The following LMX1A variants were observed in gnomAD, a reference collection of about 807,000 sequenced individuals.
The protein encoded by LMX1A is LIM homeobox transcription factor 1-alpha.
Under a neutral mutation model 49.1 loss-of-function variants are expected in LMX1A, and 15 were observed. That is an observed-to-expected ratio of 0.31 (90% CI 0.20 to 0.47). The LOEUF (loss-of-function observed/expected upper bound fraction) is 0.47. Ranked by LOEUF, LMX1A falls within the 20% of genes least tolerant of loss-of-function variation. LMX1A has a pLI of 1.00. For missense variants in LMX1A, 372 were observed against 475.8 expected (o/e 0.78, Z 2.03); for synonymous variants, 167 against 185.7 (o/e 0.90, Z 0.82).
intron 7 of LMX1A, 111 bp from the exon 8 acceptor site, chr1:165,206,145 T>C: frequency 1.0e-6 from 1 of 986,662 alleles, no homozygotes; most frequent in South Asian, 1.8e-5. Context: ...GTGACATCAG[T>C]GGTCCCAGCC....
intron 3 of LMX1A, among the ~76,000 whole-genome samples, chr1:165,303,292 TC>T (rs1223194368): frequency 6.6e-6 from 1 of 152,166 alleles, no homozygotes; most frequent in Non-Finnish European, 1.5e-5. Flanking sequence ...CTTCCACCAT[TC>T]CATAGCCCAC....
chr1:165,297,971 C>T (rs1654665100), intron 3 of LMX1A, among the ~76,000 whole-genome samples: 1 of 152,226 alleles, frequency 6.6e-6, no homozygotes, highest in Non-Finnish European at 1.5e-5. Flanking sequence ...ATGTCTGTCA[C>T]ATTAAAAGTT....
chr1:165,351,598 T>A (rs1656429473), intron 3 of LMX1A, among the ~76,000 whole-genome samples: 1 of 152,330 alleles, frequency 6.6e-6, no homozygotes, highest in Middle Eastern at 3.4e-3. Context: ...CCAGCACACG[T>A]TTCTTTTAGT....
chr1:165,254,148 G>A (rs969386803), intron 3 of LMX1A, among the ~76,000 whole-genome samples: 1 of 152,222 alleles, frequency 6.6e-6, no homozygotes. Context: ...CACTTGAGAA[G>A]CTGCAACAGC....
chr1:165,355,571 G>C lies in LMX1A; in HGVS notation c.-12C>G. 1 of 1,613,114 alleles carries C rather than the reference G, an allele frequency of 6.2e-7. No homozygotes were observed. Among genetic ancestry groups the C allele is most frequent in the Non-Finnish European group, 8.5e-7 (1 of 1,179,642 alleles). ...AGGCCGTCCAGCATGTTCGGGCCGGGCCGGGAGGACCTGTAGAGGAGAAGA... is the reference window on the plus strand; with the variant it reads ...AGGCCGTCCAGCATGTTCGGGCCGGCCCGGGAGGACCTGTAGAGGAGAAGA... On this transcript the variant is annotated 5_prime_UTR_variant, in exon 2 of 9. Transcript: ENST00000342310. The surrounding 1 kb of genome is among the most constrained non-coding windows in gnomAD (Gnocchi z 4.7).
chr1:165,257,058 T>C (rs1653266256), intron 3 of LMX1A, among the ~76,000 whole-genome samples: 1 of 152,176 alleles, frequency 6.6e-6, no homozygotes, highest in Non-Finnish European at 1.5e-5. Flanking sequence ...GGAAGGGGGC[T>C]TGTGGAGGAC....
In LMX1A at chr1:165,356,350, C is replaced by T. The variant is rs901163829; in HGVS notation, c.-23+5G>A. The T allele has an allele frequency of 1.2e-4, 18 of 152,300 alleles. No homozygotes were observed. Among genetic ancestry groups the T allele is most frequent in the Non-Finnish European group, 2.5e-4 (17 of 68,082 alleles). The allele number at this position is 152,300 out of a possible 1,614,324, so 9.4% of individuals were successfully genotyped here. On this transcript the variant is annotated splice_donor_5th_base_variant and intron_variant, in intron 1 of 8. Transcript: ENST00000342310. Reference sequence around the variant, plus strand: ...CACAGCCTAGGCACGGGCAGCCTTACTTACCTGGTAGGCGAGCTCTCTCCC... The same window carrying T: ...CACAGCCTAGGCACGGGCAGCCTTATTTACCTGGTAGGCGAGCTCTCTCCC...
intron 3 of LMX1A, among the ~76,000 whole-genome samples, chr1:165,272,769 T>C (rs1484004948): frequency 4.6e-5 from 7 of 152,096 alleles, no homozygotes; most frequent in Non-Finnish European, 7.4e-5. Flanking sequence ...GTCTGCATAA[T>C]GTCTATGAGC....
At chr1:165,269,664 T>C (rs954726587) in intron 3 of LMX1A, among the ~76,000 whole-genome samples, 15 of 152,136 alleles carry the variant, frequency 9.9e-5, no homozygotes, top group Admixed American at 1.3e-4. Context: ...CAATGGTAGA[T>C]TGGATTAAAA....
chr1:165,352,968 G>T, intron 3 of LMX1A, 108 bp downstream of exon 3: 1 of 1,134,544 alleles, frequency 8.8e-7, no homozygotes, highest in Non-Finnish European at 1.3e-6. Context: ...TGCTCGCTGG[G>T]CGTGTCTCTT....
intron 4 of LMX1A, among the ~76,000 whole-genome samples, chr1:165,220,500 A>C (rs1254757524): frequency 6.6e-6 from 1 of 152,090 alleles, no homozygotes; most frequent in Non-Finnish European, 1.5e-5. Flanking sequence ...GTCTTATTGG[A>C]GCCTTCCACC....
chr1:165,322,799 T>G (rs1355014319), intron 3 of LMX1A, among the ~76,000 whole-genome samples: 1 of 152,200 alleles, frequency 6.6e-6, no homozygotes, highest in Non-Finnish European at 1.5e-5. Flanking sequence ...ACTTTACAAT[T>G]TTATATGACT....
At chr1:165,307,105 C>T (rs1214658850) in intron 3 of LMX1A, among the ~76,000 whole-genome samples, 1 of 152,180 alleles carries the variant, frequency 6.6e-6, no homozygotes, top group African/African-American at 2.4e-5. Context: ...CCTTCTTTTT[C>T]CAGAAATGAC....
At chr1:165,336,383 C>A (rs1386990191) in intron 3 of LMX1A, among the ~76,000 whole-genome samples, 1 of 152,182 alleles carries the variant, frequency 6.6e-6, no homozygotes, top group Non-Finnish European at 1.5e-5. Context: ...TCTAGGGACC[C>A]TCTTCCCCAG....
At chr1:165,349,541 T>C (rs1656351010) in intron 3 of LMX1A, among the ~76,000 whole-genome samples, 1 of 152,248 alleles carries the variant, frequency 6.6e-6, no homozygotes, top group Non-Finnish European at 1.5e-5. Flanking sequence ...CATGTTGACA[T>C]GTCATAACAA....
chr1:165,319,036 CACACA>C (rs1655304949), intron 3 of LMX1A, among the ~76,000 whole-genome samples: 3 of 145,714 alleles, frequency 2.1e-5, no homozygotes, highest in Admixed American at 6.8e-5. Context: ...CACACACACA[CACACA>C]CCCCAACTTC....
At chr1:165,214,281 A>G (rs1651557024) in intron 4 of LMX1A, among the ~76,000 whole-genome samples, 1 of 152,188 alleles carries the variant, frequency 6.6e-6, no homozygotes, top group Non-Finnish European at 1.5e-5. Flanking sequence ...CTGCTTTGCC[A>G]TGTAAGACCT....
At chr1:165,351,813 T>C (rs961784902) in intron 3 of LMX1A, among the ~76,000 whole-genome samples, 1 of 152,258 alleles carries the variant, frequency 6.6e-6, no homozygotes, top group Non-Finnish European at 1.5e-5. Context: ...TAAACTTCTA[T>C]TTATTCTCAG....
chr1:165,238,940 AAAT>A (rs1396723905), intron 4 of LMX1A, among the ~76,000 whole-genome samples: 2 of 152,230 alleles, frequency 1.3e-5, no homozygotes, highest in African/African-American at 4.8e-5. Context: ...TGTAGAACGG[AAAT>A]AATAACATTG....
Sources: gnomAD v4.1 joint callset for allele counts (sites outside exome capture counted in the v4.1 genomes callset) on GRCh38, gnomAD v4.1.1 for gene constraint, Gnocchi (gnomAD v3.1) non-coding constraint, MANE v1.5 for transcripts, NCBI Gene and HGNC (gene_info 2026-07-23, HGNC 2026-07-21) for gene names.